PARD6G: variants seen among roughly 807,000 people sequenced by gnomAD.
The protein encoded by PARD6G is par-6 family cell polarity regulator gamma, also known as partitioning defective 6 homolog gamma.
Under a neutral mutation model 10.7 loss-of-function variants are expected in PARD6G, and 7 were observed. The observed-to-expected ratio is 0.66, with a 90% CI of 0.37 to 1.23. PARD6G has a LOEUF of 1.23. Ranked by LOEUF, PARD6G falls within the 50% of genes most tolerant of loss-of-function variation. The pLI, the probability that PARD6G is intolerant of heterozygous loss-of-function variation, is 0.02. For synonymous variants in PARD6G, 287 were observed against 269.4 expected, an observed-to-expected ratio of 1.07 and a Z score of -0.64; for missense variants, 548 against 571.8, an observed-to-expected ratio of 0.96 and a Z score of 0.42.
intron 1 of PARD6G, among the ~76,000 whole-genome samples, chr18:80,211,206 A>G (rs1967104663): frequency 6.6e-6 from 1 of 152,184 alleles, no homozygotes; most frequent in Non-Finnish European, 1.5e-5. Context: ...ATTTAAAAAT[A>G]TATTATCTCC....
rs1409503145 is a variant in PARD6G at position 80,157,716 on chromosome 18, TCTC to T, written c.*2052_*2054del. ...GGTCATGGGGAAGCATCTTTGGTCTTCTCTTGCTTAGGAACAAAGGGCCAGCAA... is the reference window on the plus strand; with the variant it reads ...GGTCATGGGGAAGCATCTTTGGTCTTTTGCTTAGGAACAAAGGGCCAGCAA... On this transcript the variant is annotated 3_prime_UTR_variant, in exon 3 of 3. Transcript: ENST00000353265. 3 of 152,274 alleles carry T rather than the reference TCTC, an allele frequency of 2.0e-5. No individual in the cohort carries two copies. Among genetic ancestry groups the T allele is most frequent in the Non-Finnish European group, 4.4e-5 (3 of 68,026 alleles). 9.4% of individuals were successfully genotyped at this position (152,274 alleles called of 1,614,324 possible).
chr18:80,230,589 C>T (rs1031254566), intron 1 of PARD6G, among the ~76,000 whole-genome samples: 1 of 152,198 alleles, frequency 6.6e-6, no homozygotes, highest in Non-Finnish European at 1.5e-5. Context: ...TCATGCCAGA[C>T]TGTGCAGGGT....
At chr18:80,232,446 G>A (rs533585817) in intron 1 of PARD6G, among the ~76,000 whole-genome samples, 160 of 152,136 alleles carry the variant, frequency 1.1e-3, no homozygotes, top group Non-Finnish European at 1.2e-3. Context: ...CACATGGCTG[G>A]GGAGGCCTCA....
intron 2 of PARD6G, among the ~76,000 whole-genome samples, chr18:80,186,246 CCT>C (rs1243936773): frequency 1.4e-5 from 2 of 142,684 alleles, no homozygotes; most frequent in Non-Finnish European, 3.0e-5. Context: ...ATGCATGCAT[CCT>C]CACACACATG....
chr18:80,237,883 T>C (rs1413525973), intron 1 of PARD6G, among the ~76,000 whole-genome samples: 2 of 152,096 alleles, frequency 1.3e-5, no homozygotes, highest in Admixed American at 6.5e-5. Flanking sequence ...ATAGGAACAC[T>C]TTTACACTGT....
intron 2 of PARD6G, chr18:80,197,412 A>G (rs1380898927): frequency 1.3e-5 from 2 of 152,198 alleles, no homozygotes; most frequent in African/African-American, 4.8e-5. Context: ...AATTCTGATA[A>G]ATCAAATAGT....
chr18:80,247,161 G>A lies in PARD6G; in HGVS notation c.72+116C>T. On this transcript the variant is annotated intron_variant, in intron 1 of 2. Coordinates refer to ENST00000353265, the MANE Select transcript of PARD6G (RefSeq NM_032510.4). The surrounding 1 kb of genome is among the most constrained non-coding windows in gnomAD (Gnocchi z 4.2). ...GGAGCGGCGCGCGGCGCCCGAACTG[G>A]AAAGTTGTCGCCGGCGCCTGTCGCC... The A allele has an allele frequency of 2.7e-6, 2 of 749,518 alleles. No individual in the cohort carries two copies. Among genetic ancestry groups the A allele is most frequent in the South Asian group, 4.6e-5 (2 of 43,836 alleles). The allele number at this position is 749,518 out of a possible 1,614,324, so 46.4% of individuals were successfully genotyped here.
Position 80,180,049 on chromosome 18 carries a change from A to G in PARD6G, c.296-19443T>C, listed in dbSNP as rs1289063022. On this transcript the variant is annotated intron_variant, in intron 2 of 2. Transcript: ENST00000353265. This position sits in a 1 kb window ranked among gnomAD's most constrained non-coding sequence, Gnocchi z 5.6. ...GAACGCCCCATTGTGCCTCAGAACGAAAGTTCAGTGGTCTGCAGAGAGGAG... is the reference window on the plus strand; with the variant it reads ...GAACGCCCCATTGTGCCTCAGAACGGAAGTTCAGTGGTCTGCAGAGAGGAG... 6.6e-6 allele frequency among the ~76,000 whole-genome samples: 1 copy of G among 152,196 alleles called. No homozygotes were observed. Among genetic ancestry groups the G allele is most frequent in the Non-Finnish European group, 1.5e-5 (1 of 68,044 alleles).
intron 2 of PARD6G, among the ~76,000 whole-genome samples, chr18:80,187,339 G>A (rs1417717072): frequency 1.3e-5 from 2 of 152,134 alleles, no homozygotes; most frequent in African/African-American, 4.8e-5. Context: ...GGGCTTAACT[G>A]TTTCTCACAT....
At chr18:80,173,270 A>G (rs572977096) in intron 2 of PARD6G, among the ~76,000 whole-genome samples, 1 of 152,290 alleles carries the variant, frequency 6.6e-6, no homozygotes, top group South Asian at 2.1e-4. Flanking sequence ...GAGGACAAAG[A>G]CAAGACTCAG....
At chr18:80,208,882 C>G (rs1329212750) in intron 1 of PARD6G, among the ~76,000 whole-genome samples, 1 of 152,068 alleles carries the variant, frequency 6.6e-6, no homozygotes, top group Non-Finnish European at 1.5e-5. Flanking sequence ...TTTGGGAGGC[C>G]AAGGGAGAGT....
At chr18:80,215,960 A>G (rs1019781181) in intron 1 of PARD6G, among the ~76,000 whole-genome samples, 2 of 152,114 alleles carry the variant, frequency 1.3e-5, no homozygotes, top group Non-Finnish European at 2.9e-5. Flanking sequence ...AACAGTACCT[A>G]AAAGACAGCT....
In PARD6G at chr18:80,181,986, C is replaced by G. The variant is rs559567239; in HGVS notation, c.295+20724G>C. Among the ~76,000 whole-genome samples the G allele has an allele frequency of 1.3e-5, 2 of 152,156 alleles. No individual in the cohort carries two copies. Among genetic ancestry groups the G allele is most frequent in the Non-Finnish European group, 2.9e-5 (2 of 68,032 alleles). ...AGCCCTTTGCAGAGTTCAGAGCTCT[C>G]GCAGGCCTCGTGTTCAACTCCTCAT... On this transcript the variant is annotated intron_variant, in intron 2 of 2. Coordinates refer to ENST00000353265, the MANE Select transcript of PARD6G (RefSeq NM_032510.4). This position sits in a 1 kb window ranked among gnomAD's most constrained non-coding sequence, Gnocchi z 7.9.
chr18:80,217,680 C>T (rs1197189330), intron 1 of PARD6G, among the ~76,000 whole-genome samples: 1 of 152,152 alleles, frequency 6.6e-6, no homozygotes, highest in African/African-American at 2.4e-5. Flanking sequence ...TCAAAACTAT[C>T]AAGGTCACCA....
At chr18:80,229,433 A>G in intron 1 of PARD6G, among the ~76,000 whole-genome samples, 1 of 152,238 alleles carries the variant, frequency 6.6e-6, no homozygotes, top group East Asian at 1.9e-4. Flanking sequence ...GAGCCCCCTC[A>G]GGCCAAGGAA....
intron 2 of PARD6G, among the ~76,000 whole-genome samples, chr18:80,193,840 C>T (rs1215138907): frequency 6.6e-6 from 1 of 152,178 alleles, no homozygotes; most frequent in African/African-American, 2.4e-5. Flanking sequence ...TAAACGGCTC[C>T]AACTCCAACA....
At chr18:80,234,065 G>T (rs1236509778) in intron 1 of PARD6G, among the ~76,000 whole-genome samples, 1 of 152,174 alleles carries the variant, frequency 6.6e-6, no homozygotes, top group African/African-American at 2.4e-5. Context: ...TGGCCCTGCG[G>T]GTGTCCACAG....
At chr18:80,241,153 G>A (rs1261685006) in intron 1 of PARD6G, among the ~76,000 whole-genome samples, 1 of 152,186 alleles carries the variant, frequency 6.6e-6, no homozygotes, top group Non-Finnish European at 1.5e-5. Flanking sequence ...AGCTGAGGGA[G>A]TCTCTCACCC....
chr18:80,177,760 C>T (rs561901154), intron 2 of PARD6G, among the ~76,000 whole-genome samples: 7 of 151,400 alleles, frequency 4.6e-5, no homozygotes, highest in Non-Finnish European at 8.8e-5. Flanking sequence ...GGGAAGCACA[C>T]GCACCCACGA....
Sources: gnomAD v4.1 joint callset for allele counts (sites outside exome capture counted in the v4.1 genomes callset) on GRCh38, gnomAD v4.1.1 for gene constraint, Gnocchi (gnomAD v3.1) non-coding constraint, MANE v1.5 for transcripts, NCBI Gene and HGNC (gene_info 2026-07-23, HGNC 2026-07-21) for gene names.